Variants in MACF1 observed in about 807,000 individuals in gnomAD.
The protein encoded by MACF1 is microtubule-actin cross-linking factor 1.
A neutral mutation model predicts 854.8 loss-of-function variants in MACF1; 193 were observed. The ratio of observed to expected loss-of-function variants is 0.23; its 90% CI spans 0.20 to 0.25. The LOEUF (loss-of-function observed/expected upper bound fraction) is 0.25, where lower values mean the gene tolerates loss of function less well. MACF1 is among the 10% of genes least tolerant of loss of function. MACF1 has a pLI of 1.00. For synonymous variants in MACF1, 3,185 were observed against 3,226.7 expected (o/e 0.99, Z 0.44); for missense variants, 7,722 against 8,929.1 (o/e 0.86, Z 5.45).
intron 97 of MACF1, among the ~76,000 whole-genome samples, chr1:39,469,912 T>A (rs1644744695): frequency 6.6e-6 from 1 of 152,156 alleles, no homozygotes; most frequent in South Asian, 2.1e-4. Context: ...GAAGTGTAGA[T>A]GCTCTTATCT....
At chr1:39,480,863 C>A in intron 98 of MACF1, 57 bp from the exon 99 acceptor site, 1 of 873,820 alleles carries the variant, frequency 1.1e-6, no homozygotes, top group South Asian at 1.5e-5. Context: ...CAATGTGCAC[C>A]CTTTTTGTTC....
intron 58 of MACF1, chr1:39,412,200 G>T: frequency 6.2e-7 from 1 of 1,613,976 alleles, no homozygotes; most frequent in African/African-American, 1.3e-5. Flanking sequence ...ATGGTGAGGA[G>T]TGCATTGAGA....
At chr1:39,172,419 C>T (rs1643963609) in intron 2 of MACF1, among the ~76,000 whole-genome samples, 1 of 152,134 alleles carries the variant, frequency 6.6e-6, no homozygotes, top group African/African-American at 2.4e-5. Context: ...TTGAGCTTGG[C>T]TAAACAGTGC....
intron 58 of MACF1, chr1:39,414,171 C>A (rs773999798): frequency 6.2e-7 from 1 of 1,612,414 alleles, no homozygotes; most frequent in Non-Finnish European, 8.5e-7. Context: ...CAGTGCCCAC[C>A]CCAGAGGTGG....
In MACF1 at chr1:39,084,452, C is replaced by T. The variant is rs1213396133; in HGVS notation, c.220+14C>T. On this transcript the variant is annotated intron_variant, in intron 2 of 93. Transcript: ENST00000361689. This position sits in a 1 kb window ranked among gnomAD's most constrained non-coding sequence, Gnocchi z 5.2. ...TCAGAGTCGCTGGTAAGAGAGGTCCCCCAGCAGGCTGGACGCTGTGGGTGT... is the reference window on the plus strand; with the variant it reads ...TCAGAGTCGCTGGTAAGAGAGGTCCTCCAGCAGGCTGGACGCTGTGGGTGT... 5.0e-6 allele frequency: 8 copies of T among 1,601,040 alleles called. No individual in the cohort carries two copies. Among genetic ancestry groups the T allele is most frequent in the Admixed American group, 1.7e-5 (1 of 59,434 alleles).
chr1:39,288,817 T>A (rs559795287), intron 15 of MACF1, among the ~76,000 whole-genome samples: 3 of 152,154 alleles, frequency 2.0e-5, no homozygotes, highest in Non-Finnish European at 2.9e-5. Context: ...AACAAAAAAA[T>A]GTACAACTAA....
At chr1:39,272,488 C>T (rs1250967528) in intron 6 of MACF1, among the ~76,000 whole-genome samples, 1 of 152,224 alleles carries the variant, frequency 6.6e-6, no homozygotes, top group Non-Finnish European at 1.5e-5. Flanking sequence ...AGACAGCTGG[C>T]AGTCCAATTG....
intron 95 of MACF1, among the ~76,000 whole-genome samples, chr1:39,466,588 T>C (rs904122616): frequency 6.6e-6 from 1 of 152,152 alleles, no homozygotes; most frequent in Admixed American, 6.5e-5. Context: ...GAAAACCCTT[T>C]GCAGTGACTC....
chr1:39,310,494 A>G (rs1430645199), intron 25 of MACF1, 66 bp downstream of exon 25: 3 of 1,489,640 alleles, frequency 2.0e-6, no homozygotes, highest in Non-Finnish European at 2.7e-6. Flanking sequence ...TTGCTGTGAA[A>G]CCCTTCATAT....
intron 6 of MACF1, among the ~76,000 whole-genome samples, chr1:39,270,733 C>T (rs1008666658): frequency 6.6e-6 from 1 of 152,180 alleles, no homozygotes; most frequent in South Asian, 2.1e-4. Flanking sequence ...AGGGCACTTT[C>T]CTTGCCTAGA....
At chr1:39,404,038 A>C (rs1642588739) in intron 58 of MACF1, among the ~76,000 whole-genome samples, 1 of 152,102 alleles carries the variant, frequency 6.6e-6, no homozygotes, top group Non-Finnish European at 1.5e-5. Flanking sequence ...CTGAGGCAGG[A>C]GAATCGCTTG....
chr1:39,095,423 C>G (rs1240271552), intron 2 of MACF1, among the ~76,000 whole-genome samples: 1 of 151,560 alleles, frequency 6.6e-6, no homozygotes, highest in Non-Finnish European at 1.5e-5. Context: ...ATTAGCTAGG[C>G]ATGGTGGTGC....
intron 95 of MACF1, among the ~76,000 whole-genome samples, 194 bp from the exon 96 acceptor site, chr1:39,468,421 T>C (rs965565428): frequency 2.0e-5 from 3 of 152,182 alleles, no homozygotes; most frequent in African/African-American, 4.8e-5. Flanking sequence ...GACACCAGTC[T>C]TTAGCTTGAT....
At chr1:39,315,754 G>T in intron 27 of MACF1, 63 bp downstream of exon 27, 1 of 1,496,956 alleles carries the variant, frequency 6.7e-7, no homozygotes, top group Non-Finnish European at 9.2e-7. Context: ...AAAGAGAAAG[G>T]CTTAAAGTAT....
intron 6 of MACF1, among the ~76,000 whole-genome samples, chr1:39,271,457 C>G (rs767643816): frequency 6.6e-6 from 1 of 152,182 alleles, no homozygotes; most frequent in East Asian, 1.9e-4. Context: ...TTTCATGATT[C>G]ATGATCCAGT....
intron 15 of MACF1, among the ~76,000 whole-genome samples, chr1:39,288,393 G>A (rs1645692715): frequency 6.6e-6 from 1 of 152,042 alleles, no homozygotes; most frequent in African/African-American, 2.4e-5. Flanking sequence ...AGCTACTTGG[G>A]AGGCTGAGGC....
At chr1:39,315,812 A>G (rs1177147928) in intron 27 of MACF1, 121 bp downstream of exon 27, 18 of 948,688 alleles carry the variant, frequency 1.9e-5, no homozygotes, top group Non-Finnish European at 2.6e-5. Context: ...GCATATACTG[A>G]TAATGAGAGG....
chr1:39,340,599 C>T lies in MACF1; in HGVS notation c.10313C>T (p.Ala3438Val). 1.2e-6 allele frequency: 2 copies of T among 1,614,174 alleles called. No individual in the cohort carries two copies. The highest frequency in any genetic ancestry group is 1.7e-6 in the Non-Finnish European group (2 of 1,180,022). The part of the protein sequence containing the change: ...IIISQPQEVP[A>V]QLLKALEKDA... ...ATCAGCCAGCCTCAAGAAGTTCCTG[C>T]TCAACTGTTGAAGGCTCTAGAGAAA... Residue 3438 changes from alanine (A) to valine (V), a missense_variant, in exon 39 of 101, where the codon GCT becomes GTT. This residue lies in a region of MACF1 where 854 missense variants were observed against 852.6 expected (regional missense o/e 1.00). Coordinates refer to ENST00000564288, the MANE Select transcript of MACF1 (RefSeq NM_001394062.1).
At chr1:39,325,301 C>T (rs1305508154) in intron 35 of MACF1, among the ~76,000 whole-genome samples, 1 of 152,078 alleles carries the variant, frequency 6.6e-6, no homozygotes, top group Non-Finnish European at 1.5e-5. Flanking sequence ...GAGAGAAGTT[C>T]AGAAGTCAAG....
Sources: gnomAD v4.1 joint callset for allele counts (sites outside exome capture counted in the v4.1 genomes callset) on GRCh38, gnomAD v4.1.1 for gene constraint, gnomAD v4.1.1 regional missense constraint, Gnocchi (gnomAD v3.1) non-coding constraint, MANE v1.5 for transcripts, NCBI Gene and HGNC (gene_info 2026-07-23, HGNC 2026-07-21) for gene names.